The following RASA2 variants were observed in gnomAD, a reference collection of about 807,000 sequenced individuals.
RASA2 encodes the protein RAS p21 protein activator 2, also known as ras GTPase-activating protein 2.
In RASA2, 155 loss-of-function variants were observed where a neutral mutation model predicts 118.2. That is an observed-to-expected ratio of 1.31 (90% CI 1.15 to 1.50). The LOEUF (loss-of-function observed/expected upper bound fraction) is 1.50. RASA2 is among the 40% of genes most tolerant of loss of function. The pLI, the probability that RASA2 is intolerant of heterozygous loss-of-function variation, is 0.00. For missense variants in RASA2, 1,016 were observed against 1,009.6 expected (o/e 1.01, Z -0.09); for synonymous variants, 353 against 349.1 (o/e 1.01, Z -0.12).
In RASA2 at chr3:141,509,354, G is replaced by C. The variant is rs113882555; in HGVS notation, c.134-2809G>C. 4.6e-3 allele frequency among the ~76,000 whole-genome samples: 694 copies of C among 152,252 alleles called. 4 individuals carry two copies. Among genetic ancestry groups the C allele is most frequent in the African/African-American group, 0.016 (663 of 41,568 alleles). On this transcript the variant is annotated intron_variant, in intron 1 of 23. Transcript: ENST00000286364. ...TTGGATTCTTCAAAATAACCTCATT[G>C]TCTCTCTCTTAAGAGGGAGAGGGAA...
chr3:141,565,632 G>A (rs767137622), intron 9 of RASA2, among the ~76,000 whole-genome samples: 1 of 152,124 alleles, frequency 6.6e-6, no homozygotes, highest in Non-Finnish European at 1.5e-5. Context: ...CATGTAAGAC[G>A]TCCCTTTACT....
At chr3:141,528,736 C>T (rs1381470214) in intron 3 of RASA2, among the ~76,000 whole-genome samples, 6 of 151,872 alleles carry the variant, frequency 4.0e-5, no homozygotes, top group South Asian at 2.1e-4. Context: ...CAAAAGTTGA[C>T]GTATCTTGAC....
intron 1 of RASA2, among the ~76,000 whole-genome samples, chr3:141,490,451 CTTG>C (rs2081627700): frequency 6.6e-6 from 1 of 151,600 alleles, no homozygotes; most frequent in African/African-American, 2.4e-5. Context: ...TTGATTAGCA[CTTG>C]TTAAGTTTCC....
At chr3:141,567,623 T>G (rs1317543638) in intron 9 of RASA2, among the ~76,000 whole-genome samples, 1 of 152,196 alleles carries the variant, frequency 6.6e-6, no homozygotes, top group Non-Finnish European at 1.5e-5. Flanking sequence ...ATGCAATTCG[T>G]GTCATAATTG....
intron 23 of RASA2, 104 bp from the exon 24 acceptor site, chr3:141,612,179 G>A: frequency 1.2e-6 from 1 of 857,304 alleles, no homozygotes; most frequent in Admixed American, 2.6e-5. Flanking sequence ...TGGCATGAGA[G>A]ATTATCCAGG....
intron 4 of RASA2, 118 bp from the exon 5 acceptor site, chr3:141,540,415 G>T (rs1217727516): frequency 2.9e-6 from 2 of 687,880 alleles, no homozygotes; most frequent in Non-Finnish European, 4.8e-6. Context: ...CTTAGTGTAG[G>T]CAAAGCCATG....
chr3:141,590,585 A>G (rs2083272982), intron 19 of RASA2, among the ~76,000 whole-genome samples: 1 of 152,196 alleles, frequency 6.6e-6, no homozygotes, highest in Non-Finnish European at 1.5e-5. Flanking sequence ...TTGTTGAGCA[A>G]ATGTTTTGCT....
rs79937020 is a variant in RASA2 at position 141,580,069 on chromosome 3, G to A, written c.1591-299G>A. Among the ~76,000 whole-genome samples the A allele has an allele frequency of 0.31, 20,966 of 67,588 alleles. 3,555 individuals carry two copies. Among genetic ancestry groups the A allele is most frequent in the Non-Finnish European group, 0.33 (13,824 of 41,476 alleles). 44.3% of individuals were successfully genotyped at this position (67,588 alleles called of 152,430 possible). On this transcript the variant is annotated intron_variant, in intron 15 of 23. Transcript: ENST00000286364. ...AGACTCCATCTCAGGAAAAAAAAAA[G>A]AAAAAAAAAAAAAAAAATATATATA...
At chr3:141,599,134 C>T (rs1315735474) in intron 19 of RASA2, among the ~76,000 whole-genome samples, 1 of 151,610 alleles carries the variant, frequency 6.6e-6, no homozygotes, top group African/African-American at 2.4e-5. Flanking sequence ...AGTACAACAC[C>T]TCTACACTGA....
At position 141,614,894 on chromosome 3, in the gene RASA2, A is replaced by G. The variant is rs976551094; in HGVS notation, c.*2581A>G. On this transcript the variant is annotated 3_prime_UTR_variant, in exon 24 of 24. Transcript: ENST00000286364. ...TTTATGAAACAAAAAAAGGTGACGA[A>G]TAATATGGCTTTTGTTTCTGTTTCT... 7.9e-5 allele frequency: 12 copies of G among 152,214 alleles called. No individual in the cohort carries two copies. Among genetic ancestry groups the G allele is most frequent in the African/African-American group, 2.9e-4 (12 of 41,454 alleles). 9.4% of individuals were successfully genotyped at this position (152,214 alleles called of 1,614,324 possible). A position where few individuals can be genotyped will look rare whatever the true frequency, so the allele number is the denominator to read the frequency against.
chr3:141,606,116 C>T (rs2083544618), intron 19 of RASA2, among the ~76,000 whole-genome samples: 1 of 152,124 alleles, frequency 6.6e-6, no homozygotes, highest in Non-Finnish European at 1.5e-5. Flanking sequence ...TCTGAGTGCC[C>T]CCAACCTTCA....
rs186039581 is a variant in RASA2, at chr3:141,593,135, C to T, written c.1933+6383C>T. Among the ~76,000 whole-genome samples the T allele has an allele frequency of 4.1e-3, 629 of 152,238 alleles. 5 individuals are homozygous for T. Among genetic ancestry groups the T allele is most frequent in the African/African-American group, 0.014 (571 of 41,534 alleles). ...CAATCTCAGCTCACTGCAACCTCCA[C>T]CTCCCAGGTTTAAGTGATTCTTCTG... On this transcript the variant is annotated intron_variant, in intron 19 of 23. Coordinates refer to ENST00000286364, the MANE Select transcript of RASA2 (RefSeq NM_006506.5).
intron 5 of RASA2, among the ~76,000 whole-genome samples, chr3:141,542,628 A>T (rs1420850558): frequency 1.3e-5 from 2 of 152,178 alleles, no homozygotes; most frequent in African/African-American, 4.8e-5. Context: ...ACTATAGCAC[A>T]ATACCAAAAC....
At chr3:141,603,496 A>G (rs2083498192) in intron 19 of RASA2, among the ~76,000 whole-genome samples, 1 of 152,086 alleles carries the variant, frequency 6.6e-6, no homozygotes, top group African/African-American at 2.4e-5. Flanking sequence ...GTTTGATCCC[A>G]GGAGGTGGAG....
chr3:141,505,533 T>C (rs2081852498), intron 1 of RASA2, among the ~76,000 whole-genome samples: 1 of 152,150 alleles, frequency 6.6e-6, no homozygotes, highest in African/African-American at 2.4e-5. Flanking sequence ...GAGAGAACAG[T>C]GTGTTCAAGG....
chr3:141,547,555 T>G (rs929338774), intron 5 of RASA2, among the ~76,000 whole-genome samples: 1 of 152,242 alleles, frequency 6.6e-6, no homozygotes, highest in Non-Finnish European at 1.5e-5. Context: ...TTTTGAATCC[T>G]GCCACTTTAC....
At chr3:141,608,239 T>C (rs2083579829) in intron 20 of RASA2, among the ~76,000 whole-genome samples, 1 of 152,222 alleles carries the variant, frequency 6.6e-6, no homozygotes, top group Non-Finnish European at 1.5e-5. Flanking sequence ...TTTATTCTTA[T>C]CTATATGATA....
intron 1 of RASA2, among the ~76,000 whole-genome samples, chr3:141,494,766 G>T (rs754751993): frequency 1.3e-5 from 2 of 152,050 alleles, no homozygotes; most frequent in East Asian, 1.9e-4. Context: ...ATGTGAACTG[G>T]TCTATTTCTT....
chr3:141,611,625 G>GCTGACAAT (rs1276445427), intron 23 of RASA2, among the ~76,000 whole-genome samples: 1 of 152,128 alleles, frequency 6.6e-6, no homozygotes, highest in African/African-American at 2.4e-5. Flanking sequence ...CAGCTGACAA[G>GCTGACAAT]TCACACTGCT....
Sources: allele counts gnomAD v4.1 joint callset (sites outside exome capture counted in the v4.1 genomes callset), GRCh38; gene constraint gnomAD v4.1.1; transcripts MANE v1.5; gene names NCBI Gene and HGNC (gene_info 2026-07-23, HGNC 2026-07-21).